Variants in ERCC3 observed in about 807,000 individuals in gnomAD.
ERCC3 encodes general transcription and DNA repair factor IIH helicase/translocase subunit XPB.
Under a neutral mutation model 94.2 loss-of-function variants are expected in ERCC3, and 66 were observed. That is an observed-to-expected ratio of 0.70 (90% CI 0.57 to 0.86). The LOEUF (loss-of-function observed/expected upper bound fraction) is 0.86, where lower values mean the gene tolerates loss of function less well. ERCC3 is among the 40% of genes least tolerant of loss of function. ERCC3 has a pLI of 0.00. For synonymous variants in ERCC3, 349 were observed against 369.1 expected, an observed-to-expected ratio of 0.95 and a Z score of 0.63; for missense variants, 829 against 987.1, an observed-to-expected ratio of 0.84 and a Z score of 2.15.
At position 127,280,444 on chromosome 2, in the gene ERCC3, T is replaced by C. The variant is rs749165986; in HGVS notation, c.1527+3A>G. 2.5e-6 allele frequency: 4 copies of C among 1,610,542 alleles called. No individual in the cohort carries two copies. The Admixed American group carries it at 5.0e-5, about 20-fold the overall frequency. On this transcript the variant is annotated splice_donor_region_variant and intron_variant, in intron 9 of 14. Transcript: ENST00000285398. The surrounding 1 kb of genome is among the most constrained non-coding windows in gnomAD (Gnocchi z 6.3). ...CAGACGCCCCCAGCCCAGGCCCAGC[T>C]ACCTCAGCACACTGGACTTTGGCGA...
chr2:127,259,328 C>A lies in ERCC3; in HGVS notation c.2185G>T (p.Val729Leu), dbSNP rs763891077. ...ATDLDAEEEV[V>L]AGEFGSRSSQ... Reference sequence around the variant, plus strand: ...GATCTGGAGCCAAATTCCCCAGCCACCACCTCCTCCTCGGCATCCAGGTCA... The same window carrying A: ...GATCTGGAGCCAAATTCCCCAGCCAACACCTCCTCCTCGGCATCCAGGTCA... Residue 729 changes from valine to leucine, a missense_variant, in exon 14 of 15, where the codon GTG becomes TTG. Val to Leu is a conservative substitution (Grantham distance 32, BLOSUM62 1). Coordinates refer to ENST00000285398, the MANE Select transcript of ERCC3 (RefSeq NM_000122.2). The surrounding 1 kb of genome is among the most constrained non-coding windows in gnomAD (Gnocchi z 4.9). 1.2e-6 allele frequency: 2 copies of A among 1,614,216 alleles called. No individual in the cohort carries two copies. The highest frequency in any genetic ancestry group is 2.2e-5 in the South Asian group (2 of 91,084).
Position 127,294,047 on chromosome 2 carries a change from G to T in ERCC3, c.28+7C>A. The T allele has an allele frequency of 6.2e-7, 1 of 1,606,162 alleles. No individual in the cohort carries two copies. Among genetic ancestry groups the T allele is most frequent in the Non-Finnish European group, 8.5e-7 (1 of 1,179,158 alleles). The stretch of plus-strand genomic sequence containing the variant: ...TCGTGGCTGAGCGTGCCCGCGCAAC[G>T]TCTCACCGCGGTCCGCTCGGTCTCT... On this transcript the variant is annotated splice_region_variant and intron_variant, in intron 1 of 14. Transcript: ENST00000285398.
intron 11 of ERCC3, among the ~76,000 whole-genome samples, chr2:127,272,065 C>G (rs1573940384): frequency 1.7e-5 from 2 of 115,048 alleles, no homozygotes; most frequent in Middle Eastern, 0.019. Context: ...GTTGCCTAGG[C>G]TGGAGTGCAA....
intron 10 of ERCC3, among the ~76,000 whole-genome samples, chr2:127,278,290 C>T (rs1684797462): frequency 6.7e-6 from 1 of 149,972 alleles, no homozygotes; most frequent in African/African-American, 2.5e-5. Context: ...AGGTAAACAA[C>T]AAAAAAGAGT....
chr2:127,259,686 G>GC lies in ERCC3; in HGVS notation c.2065-239dup. 1.8e-6 allele frequency: 1 copy of GC among 554,640 alleles called. No individual in the cohort carries two copies. Among genetic ancestry groups the GC allele is most frequent in the South Asian group, 2.0e-5 (1 of 51,068 alleles). 34.4% of individuals were successfully genotyped at this position (554,640 alleles called of 1,614,324 possible). On this transcript the variant is annotated intron_variant, in intron 13 of 14. Transcript: ENST00000285398. The surrounding 1 kb of genome is among the most constrained non-coding windows in gnomAD (Gnocchi z 4.9). The stretch of plus-strand genomic sequence containing the variant: ...GGATGCAGGAATTTCAGAGAAATCT[G>GC]CCCCCAGCACACAGCATCTAAATGA...
In ERCC3 at chr2:127,259,159, A is replaced by G; in HGVS notation, c.2217+137T>C. ...AGGGCAACAAGGATTGTTTCTGTTC[A>G]TCTCTTCCGTGTTTTCCAACATTTC... On this transcript the variant is annotated intron_variant, in intron 14 of 14. Coordinates refer to ENST00000285398, the MANE Select transcript of ERCC3 (RefSeq NM_000122.2). The surrounding 1 kb of genome is among the most constrained non-coding windows in gnomAD (Gnocchi z 4.9). 3 of 969,802 alleles carry G rather than the reference A, an allele frequency of 3.1e-6. No individual in the cohort carries two copies. The highest frequency in any genetic ancestry group is 4.8e-6 in the Non-Finnish European group (3 of 623,742). The allele number at this position is 969,802 out of a possible 1,614,324, so 60.1% of individuals were successfully genotyped here. A position where few individuals can be genotyped will look rare whatever the true frequency, so the allele number is the denominator to read the frequency against.
rs1573948051 is a variant in ERCC3 at position 127,279,022 on chromosome 2, T to C, written c.1730+151A>G. ...CCAACCACCTACTTCAGGTCTTCCC[T>C]GGTTTCTGAGACCAGGGCCACAGAA... On this transcript the variant is annotated intron_variant, in intron 10 of 14. Transcript: ENST00000285398. The surrounding 1 kb of genome is among the most constrained non-coding windows in gnomAD (Gnocchi z 4.7). The C allele has an allele frequency of 1.6e-5, 11 of 679,402 alleles. No individual in the cohort carries two copies. The East Asian group carries it at 3.0e-4, about 18-fold the overall frequency. 42.1% of individuals were successfully genotyped at this position (679,402 alleles called of 1,614,324 possible).
intron 10 of ERCC3, 77 bp from the exon 11 acceptor site, chr2:127,273,038 A>G (rs1684612493): frequency 2.3e-6 from 2 of 880,210 alleles, no homozygotes; most frequent in Non-Finnish European, 1.9e-6. Flanking sequence ...GGGAAAAAGG[A>G]GCTCAGGCTA....
rs1023967896 is a variant in ERCC3, at chr2:127,269,964, T to G, written c.1945+1372A>C. On this transcript the variant is annotated intron_variant, in intron 12 of 14. Coordinates refer to ENST00000285398, the MANE Select transcript of ERCC3 (RefSeq NM_000122.2). ...TGACCCCAGTAGATGGAGGTTGCAG[T>G]GAGCCGAGATTGTGCCACTGCACTC... Among the ~76,000 whole-genome samples the G allele has an allele frequency of 7.4e-4, 113 of 152,228 alleles. 1 individual carries two copies. Among genetic ancestry groups the G allele is most frequent in the African/African-American group, 2.7e-3 (111 of 41,558 alleles).
intron 11 of ERCC3, among the ~76,000 whole-genome samples, chr2:127,272,255 C>T (rs1309878338): frequency 6.6e-6 from 1 of 152,056 alleles, no homozygotes; most frequent in Non-Finnish European, 1.5e-5. Context: ...GAACTCCTGA[C>T]CTCCGGTGAT....
rs761411942 is a variant in ERCC3, at chr2:127,264,367, G to A, written c.1946-3021C>T. On this transcript the variant is annotated intron_variant, in intron 12 of 14. Transcript: ENST00000285398. The surrounding 1 kb of genome is among the most constrained non-coding windows in gnomAD (Gnocchi z 4.4). ...TGTAGTCCCAGCTACTTGGGAGGCT[G>A]AGGCAGGAGAATAGTTTGAATCTGG... is the stretch of plus-strand genomic sequence containing the variant. 2.0e-5 allele frequency among the ~76,000 whole-genome samples: 3 copies of A among 152,186 alleles called. No individual in the cohort carries two copies. The highest frequency in any genetic ancestry group is 4.4e-5 in the Non-Finnish European group (3 of 68,034).
Position 127,292,652 on chromosome 2 carries a change from G to A in ERCC3, c.429C>T (p.Leu143=), listed in dbSNP as rs908044728. 1.1e-5 allele frequency: 17 copies of A among 1,614,038 alleles called. No homozygotes were observed. In the Admixed American group the frequency reaches 2.0e-4, roughly 19 times the overall value. ...TTCCATCAGGGACTCCAGTCTTGCT[G>A]AGCTTCCTGAGGTACTCGGTGATGT... is the stretch of plus-strand genomic sequence containing the variant. ...TSDITEYLRK[L]SKTGVPDGIM... Residue 143 remains leucine (L), a synonymous_variant, in exon 3 of 15, where the codon CTC becomes CTT. Transcript: ENST00000285398.
In ERCC3 at chr2:127,293,687, C is replaced by T. The variant is rs777843025; in HGVS notation, c.60G>A (p.Glu20=). The T allele has an allele frequency of 1.9e-6, 3 of 1,613,722 alleles. No individual in the cohort carries two copies. In the South Asian group the frequency reaches 3.3e-5, roughly 18 times the overall value. The part of the protein sequence containing the change: ...DKKKSRKRHY[E]DEEDDEEDAP... ...CGTCCTCTTCATCATCCTCTTCATC[C>T]TCATAGTGCCGCTTCCTGGATTTCT... The change falls in exon 2 of 15, where the codon GAG becomes GAA. Residue 20 remains glutamate (E), a synonymous_variant. Coordinates refer to ENST00000285398, the MANE Select transcript of ERCC3 (RefSeq NM_000122.2).
intron 3 of ERCC3, 50 bp from the exon 4 acceptor site, chr2:127,290,323 C>A (rs764672536): frequency 3.5e-6 from 5 of 1,418,292 alleles, no homozygotes; most frequent in South Asian, 3.4e-5. Context: ...TAACTCAGAA[C>A]ACATTCATTA....
chr2:127,264,662 T>C lies in ERCC3; in HGVS notation c.1946-3316A>G, dbSNP rs1684298851. Among the ~76,000 whole-genome samples, 1 of 152,150 alleles carries C rather than the reference T, an allele frequency of 6.6e-6. No individual in the cohort carries two copies. The highest frequency in any genetic ancestry group is 1.5e-5 in the Non-Finnish European group (1 of 68,034). Reference sequence around the variant, plus strand: ...TGCTTTGTCCTCATTTTGTTACAGATTTTTGCGTCTGTGTTCATCAGGAAT... The same window carrying C: ...TGCTTTGTCCTCATTTTGTTACAGACTTTTGCGTCTGTGTTCATCAGGAAT... On this transcript the variant is annotated intron_variant, in intron 12 of 14. Coordinates refer to ENST00000285398, the MANE Select transcript of ERCC3 (RefSeq NM_000122.2). This position sits in a 1 kb window ranked among gnomAD's most constrained non-coding sequence, Gnocchi z 4.4.
Position 127,294,078 on chromosome 2 carries a change from C to T in ERCC3, c.4G>A (p.Gly2Ser), listed in dbSNP as rs1685381866. 1.2e-6 allele frequency: 2 copies of T among 1,608,002 alleles called. No individual in the cohort carries two copies. Among genetic ancestry groups the T allele is most frequent in the South Asian group, 1.1e-5 (1 of 90,984 alleles). ...CCGCGGTCCGCTCGGTCTCTTTTGC[C>T]CATGGCAGCTACAGCAGCAGAGAGA... is the stretch of plus-strand genomic sequence containing the variant. M[G>S]KRDRADRDKK... is the part of the protein sequence containing the mutation. The change falls in exon 1 of 15, where the codon GGC (glycine) becomes AGC (serine). Residue 2 changes from glycine (G) to serine (S), a missense_variant. Coordinates refer to ENST00000285398, the MANE Select transcript of ERCC3 (RefSeq NM_000122.2).
rs973938857 is a variant in ERCC3 at position 127,280,230 on chromosome 2, C to G, written c.1527+217G>C. On this transcript the variant is annotated intron_variant, in intron 9 of 14. Transcript: ENST00000285398. This position sits in a 1 kb window ranked among gnomAD's most constrained non-coding sequence, Gnocchi z 6.3. Reference sequence around the variant, plus strand: ...CCATGGCTAGGAAAAAGAATCATCACAAATTCAGGGGTATGTGAGATATGT... The same window carrying G: ...CCATGGCTAGGAAAAAGAATCATCAGAAATTCAGGGGTATGTGAGATATGT... 1.3e-5 allele frequency among the ~76,000 whole-genome samples: 2 copies of G among 152,184 alleles called. No individual in the cohort carries two copies. Among genetic ancestry groups the G allele is most frequent in the Non-Finnish European group, 2.9e-5 (2 of 68,044 alleles).
chr2:127,271,296 G>C lies in ERCC3; in HGVS notation c.1945+40C>G. The C allele has an allele frequency of 7.2e-7, 1 of 1,387,950 alleles. No homozygotes were observed. The highest frequency in any genetic ancestry group is 2.3e-5 in the East Asian group (1 of 43,790). The allele number at this position is 1,387,950 out of a possible 1,614,324, so 86.0% of individuals were successfully genotyped here. On this transcript the variant is annotated intron_variant, in intron 12 of 14. Transcript: ENST00000285398. The surrounding 1 kb of genome is among the most constrained non-coding windows in gnomAD (Gnocchi z 5.0). ...TCTTCCTAACTAAAGTGGTTTAAGA[G>C]GAGTGACCTCCTGCAACAGAAGATG...
At position 127,280,525 on chromosome 2, in the gene ERCC3, C is replaced by A. The variant is rs1684874632; in HGVS notation, c.1449G>T (p.Leu483=). ...TGGCTTCGTAGAGCTTAGGCCCAAT[C>A]AGAAAATTTAAATCCACAATTTTGT... is the stretch of plus-strand genomic sequence containing the variant. ...EDDKIVDLNF[L]IGPKLYEANW... The change falls in exon 9 of 15, where the codon CTG becomes CTT. Residue 483 remains leucine, a synonymous_variant. Coordinates refer to ENST00000285398, the MANE Select transcript of ERCC3 (RefSeq NM_000122.2). This position sits in a 1 kb window ranked among gnomAD's most constrained non-coding sequence, Gnocchi z 6.3. The A allele has an allele frequency of 1.2e-6, 2 of 1,614,090 alleles. No homozygotes were observed. The highest frequency in any genetic ancestry group is 1.3e-5 in the African/African-American group (1 of 75,042).
Sources: allele counts gnomAD v4.1 joint callset (sites outside exome capture counted in the v4.1 genomes callset), GRCh38; gene constraint gnomAD v4.1.1; non-coding constraint Gnocchi (gnomAD v3.1); transcripts MANE v1.5; gene names NCBI Gene and HGNC (gene_info 2026-07-23, HGNC 2026-07-21).